SYNE2: variants seen among roughly 807,000 people sequenced by gnomAD.
SYNE2 encodes spectrin repeat containing nuclear envelope protein 2.
Under a neutral mutation model 856.3 loss-of-function variants are expected in SYNE2, and 431 were observed. The ratio of observed to expected loss-of-function variants is 0.50; its 90% confidence interval spans 0.47 to 0.55. The LOEUF is 0.55. SYNE2 is among the 20% of genes least tolerant of loss of function. The pLI is 0.00. For missense variants in SYNE2, 8,129 were observed against 8,023.2 expected, an observed-to-expected ratio of 1.01 and a Z score of -0.50; for synonymous variants, 2,923 against 2,872.3, an observed-to-expected ratio of 1.02 and a Z score of -0.56.
intron 82 of SYNE2, 67 bp from the exon 83 acceptor site, chr14:64,143,705 A>G: frequency 1.3e-6 from 2 of 1,568,088 alleles, no homozygotes; most frequent in South Asian, 1.1e-5. Flanking sequence ...TCGAGCACAT[A>G]AAGGGAAATC....
chr14:64,103,133 A>G (rs1319216454), intron 64 of SYNE2, among the ~76,000 whole-genome samples: 7 of 152,204 alleles, frequency 4.6e-5, no homozygotes, highest in African/African-American at 1.7e-4. Context: ...CACAAATGCA[A>G]AGACAGCCTT....
intron 1 of SYNE2, among the ~76,000 whole-genome samples, chr14:63,814,624 A>T (rs989179635): frequency 2.9e-5 from 4 of 136,680 alleles, no homozygotes; most frequent in African/African-American, 7.9e-5. Context: ...TATATAATAT[A>T]TATCCTTATA....
chr14:64,034,136 T>C (rs1185079037), intron 45 of SYNE2, among the ~76,000 whole-genome samples: 1 of 152,226 alleles, frequency 6.6e-6, no homozygotes, highest in Non-Finnish European at 1.5e-5. Context: ...GACATAACTG[T>C]GTTAATGACT....
intron 1 of SYNE2, among the ~76,000 whole-genome samples, chr14:63,811,609 A>C (rs192502993): frequency 2.0e-5 from 3 of 152,336 alleles, no homozygotes; most frequent in African/African-American, 7.2e-5. Context: ...TTAAAGAACT[A>C]AAGTTGACTA....
intron 47 of SYNE2, 139 bp downstream of exon 47, chr14:64,050,015 A>C: frequency 1.8e-5 from 20 of 1,091,662 alleles, no homozygotes; most frequent in Non-Finnish European, 2.5e-5. Flanking sequence ...ATGTTATTTC[A>C]TATGGATGCT....
intron 38 of SYNE2, 50 bp from the exon 39 acceptor site, chr14:64,024,207 C>G (rs1381694657): frequency 6.4e-7 from 1 of 1,563,702 alleles, no homozygotes; most frequent in Non-Finnish European, 8.8e-7. Flanking sequence ...TGGCAGAGAC[C>G]ACATTCAGAC....
intron 1 of SYNE2, among the ~76,000 whole-genome samples, chr14:63,899,367 A>C (rs2095305340): frequency 6.6e-6 from 1 of 152,064 alleles, no homozygotes; most frequent in African/African-American, 2.4e-5. Context: ...ACACCCAGCT[A>C]ATTTTTGTAT....
In SYNE2 at chr14:64,048,111, G is replaced by C; in HGVS notation, c.7333G>C (p.Glu2445Gln). The change falls in exon 46 of 116, where the codon GAA becomes CAA. Residue 2445 changes from glutamate (E) to glutamine (Q), a missense_variant. By Grantham distance (29) the Glu-to-Gln change is conservative. This residue lies in a region of SYNE2 where 5,410 missense variants were observed against 5,284.8 expected (regional missense o/e 1.02). Transcript: ENST00000555002. ...CAATGAGCTGCAAAATCAACCTTTA[G>C]AATTAGATACTATGTTAAGAAATGA... Reference protein sequence around the residue: ...KVNELQNQPLELDTMLRNEQL... With the variant: ...KVNELQNQPLQLDTMLRNEQL... 6.2e-7 allele frequency: 1 copy of C among 1,613,538 alleles called. No homozygotes were observed. Among genetic ancestry groups the C allele is most frequent in the East Asian group, 2.2e-5 (1 of 44,766 alleles).
intron 1 of SYNE2, among the ~76,000 whole-genome samples, chr14:63,788,740 C>T (rs1479090697): frequency 1.3e-5 from 2 of 152,240 alleles, no homozygotes; most frequent in Non-Finnish European, 2.9e-5. Flanking sequence ...TTTCACTTAA[C>T]ATAATGTTCG....
At chr14:64,135,169 G>A (rs1309527396) in intron 78 of SYNE2, among the ~76,000 whole-genome samples, 1 of 152,120 alleles carries the variant, frequency 6.6e-6, no homozygotes, top group African/African-American at 2.4e-5. Context: ...CTTCTCACCA[G>A]GAACTTAAAA....
chr14:63,789,923 A>AT (rs1887673095), intron 1 of SYNE2, among the ~76,000 whole-genome samples: 1 of 152,182 alleles, frequency 6.6e-6, no homozygotes, highest in South Asian at 2.1e-4. Context: ...GCCTGAATAC[A>AT]TTCACCTGAA....
chr14:64,003,438 C>G (rs1173461122), intron 30 of SYNE2, 108 bp downstream of exon 30: 1 of 1,393,608 alleles, frequency 7.2e-7, no homozygotes, highest in African/African-American at 1.5e-5. Flanking sequence ...TCTATTCCAT[C>G]CCACTCTATT....
At chr14:64,222,445 G>A (rs752759431) in intron 112 of SYNE2, among the ~76,000 whole-genome samples, 2 of 152,116 alleles carry the variant, frequency 1.3e-5, no homozygotes, top group South Asian at 2.1e-4. Flanking sequence ...GGCCGGGCAC[G>A]GTGGCTCCCA....
chr14:64,059,217 C>A (rs1037435415), intron 49 of SYNE2, among the ~76,000 whole-genome samples: 2 of 152,064 alleles, frequency 1.3e-5, no homozygotes, highest in Non-Finnish European at 2.9e-5. Context: ...GGTCTTGATG[C>A]TTGTGGATGT....
intron 16 of SYNE2, 52 bp downstream of exon 16, chr14:63,981,225 T>C (rs747760087): frequency 6.9e-7 from 1 of 1,445,404 alleles, no homozygotes; most frequent in Non-Finnish European, 9.7e-7. Context: ...ATTGTTTTAT[T>C]TTGTGACCCT....
intron 1 of SYNE2, among the ~76,000 whole-genome samples, chr14:63,876,902 A>G (rs998732230): frequency 2.6e-5 from 4 of 152,214 alleles, no homozygotes; most frequent in Non-Finnish European, 4.4e-5. Context: ...ATCAGAAACC[A>G]CTGTCCGTGG....
intron 2 of SYNE2, among the ~76,000 whole-genome samples, chr14:63,925,688 A>G (rs1446014832): frequency 2.0e-5 from 3 of 152,164 alleles, no homozygotes; most frequent in Non-Finnish European, 4.4e-5. Context: ...GCCGCTGGTA[A>G]CCATTCTTCT....
chr14:63,911,664 T>C (rs1333433536), intron 2 of SYNE2, among the ~76,000 whole-genome samples: 1 of 152,212 alleles, frequency 6.6e-6, no homozygotes, highest in African/African-American at 2.4e-5. Context: ...ATACCCTCTT[T>C]GTTACACTTC....
At chr14:64,183,414 C>A (rs892877431) in intron 96 of SYNE2, among the ~76,000 whole-genome samples, 3 of 151,616 alleles carry the variant, frequency 2.0e-5, no homozygotes, top group African/African-American at 7.3e-5. Flanking sequence ...CAGGAAGAGG[C>A]GCTCCTCACT....
Sources: gnomAD v4.1 joint callset for allele counts (sites outside exome capture counted in the v4.1 genomes callset) on GRCh38, gnomAD v4.1.1 for gene constraint, gnomAD v4.1.1 regional missense constraint, MANE v1.5 for transcripts, NCBI Gene and HGNC (gene_info 2026-07-23, HGNC 2026-07-21) for gene names.